Variants in ITPKB observed in about 807,000 individuals in gnomAD.
ITPKB encodes IP3 3-kinase B.
ITPKB carries 13 observed loss-of-function variants against 69.4 expected under a neutral mutation model. That is an observed-to-expected ratio of 0.19 (90% CI 0.12 to 0.30). The LOEUF (loss-of-function observed/expected upper bound fraction) is 0.30, where lower values mean the gene tolerates loss of function less well. Among genes scored for constraint, ITPKB ranks in the 10% least tolerant of loss-of-function variants. The probability of loss-of-function intolerance (pLI) is 1.00; values close to 1 mark genes in which losing one functional copy is unlikely to be tolerated. For missense variants in ITPKB, 1,240 were observed against 1,250.5 expected, an observed-to-expected ratio of 0.99 and a Z score of 0.13; for synonymous variants, 584 against 513.7, an observed-to-expected ratio of 1.14 and a Z score of -1.85.
At position 226,658,584 on chromosome 1, in the gene ITPKB, C is replaced by T. The variant is rs1235658200; in HGVS notation, c.1933-9813G>A. 9.9e-5 allele frequency among the ~76,000 whole-genome samples: 15 copies of T among 152,170 alleles called. 2 individuals are homozygous for T. Among genetic ancestry groups the T allele is most frequent in the Admixed American group, 9.2e-4 (14 of 15,274 alleles). ...CCCCCTTTAACAAACAAGAAAATCC[C>T]CCTAAATGCCAAATGCAAAAGCACT... On this transcript the variant is annotated intron_variant, in intron 2 of 7. Transcript: ENST00000429204.
At chr1:226,665,289 G>A (rs914416496) in intron 2 of ITPKB, among the ~76,000 whole-genome samples, 15 of 152,194 alleles carry the variant, frequency 9.9e-5, no homozygotes, top group Non-Finnish European at 1.2e-4. Context: ...TGGATTTAGA[G>A]ACAAAGGGGA....
intron 2 of ITPKB, among the ~76,000 whole-genome samples, chr1:226,684,482 CTTT>C (rs956276907): frequency 1.3e-5 from 2 of 151,690 alleles, no homozygotes; most frequent in Non-Finnish European, 2.9e-5. Flanking sequence ...TAGAGCAACA[CTTT>C]TTTTTTCTTT....
intron 3 of ITPKB, 41 bp from the exon 4 acceptor site, chr1:226,647,421 G>C: frequency 6.6e-7 from 1 of 1,504,842 alleles, no homozygotes; most frequent in African/African-American, 1.4e-5. Context: ...TCCGGCTGCA[G>C]GTAGCTGGCA....
intron 2 of ITPKB, among the ~76,000 whole-genome samples, chr1:226,665,965 TG>T (rs1669495844): frequency 6.6e-6 from 1 of 152,162 alleles, no homozygotes; most frequent in African/African-American, 2.4e-5. Context: ...CTGTGGCCTC[TG>T]GGGATTTCAC....
chr1:226,734,996 G>A (rs1040676053), intron 2 of ITPKB, among the ~76,000 whole-genome samples: 1 of 152,218 alleles, frequency 6.6e-6, no homozygotes, highest in African/African-American at 2.4e-5. Flanking sequence ...TCACCCAGTT[G>A]ACTGGCCACA....
At position 226,736,900 on chromosome 1, in the gene ITPKB, G is replaced by A; in HGVS notation, c.559C>T (p.Pro187Ser). 1 of 1,610,500 alleles carries A rather than the reference G, an allele frequency of 6.2e-7. No individual in the cohort carries two copies. Residue 187 changes from proline to serine, a missense_variant, in exon 2 of 8, where the codon CCT becomes TCT. Physicochemically the swap from Pro to Ser is moderately conservative, Grantham distance 74. This residue lies in a region of ITPKB where 992 missense variants were observed against 853.8 expected (regional missense o/e 1.16). Transcript: ENST00000429204. Reference protein sequence around the residue: ...PCPFRSSSQPPGRVLVQGARS... With the variant: ...PCPFRSSSQPSGRVLVQGARS... ...GCGCCCTGAACCAGGACCCTTCCAG[G>A]GGGCTGACTGCTGCTGCGGAAGGGG... is the stretch of plus-strand genomic sequence containing the variant.
At chr1:226,733,445 C>A (rs1657652787) in intron 2 of ITPKB, among the ~76,000 whole-genome samples, 1 of 152,108 alleles carries the variant, frequency 6.6e-6, no homozygotes. Flanking sequence ...TTGGGTGTCA[C>A]AGATAAGGCT....
chr1:226,683,632 T>C (rs1238711207), intron 2 of ITPKB, among the ~76,000 whole-genome samples: 1 of 152,008 alleles, frequency 6.6e-6, no homozygotes, highest in East Asian at 1.9e-4. Context: ...AAGGGGAGTG[T>C]AGACATGCAA....
At chr1:226,657,174 A>G (rs562333203) in intron 2 of ITPKB, 2 of 152,224 alleles carry the variant, frequency 1.3e-5, no homozygotes, top group African/African-American at 4.8e-5. Flanking sequence ...TCAGAGCCCA[A>G]GTGAGTCAAT....
chr1:226,695,775 G>C (rs1289838601), intron 2 of ITPKB, among the ~76,000 whole-genome samples: 2 of 152,204 alleles, frequency 1.3e-5, no homozygotes, highest in African/African-American at 4.8e-5. Context: ...AAGAAGGACA[G>C]GAGGGAGAGG....
intron 2 of ITPKB, among the ~76,000 whole-genome samples, chr1:226,672,417 A>G (rs113818033): frequency 7.2e-5 from 11 of 152,302 alleles, no homozygotes; most frequent in African/African-American, 2.4e-4. Flanking sequence ...ACCAGGGAGG[A>G]TTCCTGTCAA....
intron 2 of ITPKB, among the ~76,000 whole-genome samples, chr1:226,696,513 C>T (rs995029456): frequency 1.3e-5 from 2 of 152,152 alleles, no homozygotes; most frequent in Admixed American, 6.5e-5. Flanking sequence ...GGCACATGCC[C>T]GGCCCCTGTA....
At chr1:226,700,460 T>C (rs1571864295) in intron 2 of ITPKB, among the ~76,000 whole-genome samples, 1 of 72,478 alleles carries the variant, frequency 1.4e-5, no homozygotes, top group Admixed American at 2.5e-4. Context: ...GGAGCAAGAC[T>C]CCGTCAAAAA....
chr1:226,634,440 C>T lies in ITPKB; in HGVS notation c.*231G>A. On this transcript the variant is annotated 3_prime_UTR_variant, in exon 8 of 8. Transcript: ENST00000429204. This position sits in a 1 kb window ranked among gnomAD's most constrained non-coding sequence, Gnocchi z 6.3. ...CACCTGACCCACCTCTAAGACTGGG[C>T]ATTTCTCTTCTAGTAGGTGACCCTC... 1.8e-6 allele frequency: 1 copy of T among 546,112 alleles called. No homozygotes were observed. Among genetic ancestry groups the T allele is most frequent in the Non-Finnish European group, 3.3e-6 (1 of 303,348 alleles). 33.8% of individuals were successfully genotyped at this position (546,112 alleles called of 1,614,324 possible).
intron 2 of ITPKB, among the ~76,000 whole-genome samples, chr1:226,659,148 A>C (rs1425776602): frequency 6.6e-6 from 1 of 152,186 alleles, no homozygotes; most frequent in Non-Finnish European, 1.5e-5. Context: ...TCTCCTGATT[A>C]GCTGCCTTCT....
rs994418984 is a variant in ITPKB, at chr1:226,736,585, A to G, written c.874T>C (p.Ser292Pro). The change falls in exon 2 of 8, where the codon TCA becomes CCA. Residue 292 changes from serine to proline, a missense_variant. Ser to Pro is a moderately conservative substitution (Grantham distance 74, BLOSUM62 -1). This residue lies in a region of ITPKB where 992 missense variants were observed against 853.8 expected (regional missense o/e 1.16). Transcript: ENST00000429204. ...TPGTRSCLAP[S>P]LGLFGASLTM... The stretch of plus-strand genomic sequence containing the variant: ...AAGCTAGCTCCGAACAGCCCCAATG[A>G]GGGAGCTAGGCAGCTCCGAGTTCCC... 4.3e-6 allele frequency: 7 copies of G among 1,613,854 alleles called. No individual in the cohort carries two copies. The highest frequency in any genetic ancestry group is 5.1e-6 in the Non-Finnish European group (6 of 1,180,016).
Position 226,737,661 on chromosome 1 carries a change from C to A in ITPKB, c.-203G>T, listed in dbSNP as rs1657841617. The A allele has an allele frequency of 9.6e-7, 1 of 1,046,174 alleles. No homozygotes were observed. The highest frequency in any genetic ancestry group is 1.2e-6 in the Non-Finnish European group (1 of 857,994). The allele number at this position is 1,046,174 out of a possible 1,614,324, so 64.8% of individuals were successfully genotyped here. A position where few individuals can be genotyped will look rare whatever the true frequency, so the allele number is the denominator to read the frequency against. ...GCCCAAAGCTCCATAAACAACCGTG[C>A]GGCTGTGGAGATACAAGGAGAAAAG... On this transcript the variant is annotated splice_region_variant and 5_prime_UTR_variant, in exon 2 of 8. Coordinates refer to ENST00000429204, the MANE Select transcript of ITPKB (RefSeq NM_002221.4).
chr1:226,646,544 G>A (rs1200071034), intron 4 of ITPKB, among the ~76,000 whole-genome samples: 1 of 152,164 alleles, frequency 6.6e-6, no homozygotes, highest in Non-Finnish European at 1.5e-5. Context: ...CCCCTGTCAG[G>A]AACCTGGGGG....
intron 2 of ITPKB, among the ~76,000 whole-genome samples, chr1:226,670,265 A>G (rs1669589364): frequency 6.7e-6 from 1 of 149,816 alleles, no homozygotes; most frequent in Non-Finnish European, 1.5e-5. Flanking sequence ...ATGCCAACCC[A>G]CTGCTGGGAG....
Sources: allele counts gnomAD v4.1 joint callset (sites outside exome capture counted in the v4.1 genomes callset), GRCh38; gene constraint gnomAD v4.1.1; regional missense constraint gnomAD v4.1.1; non-coding constraint Gnocchi (gnomAD v3.1); transcripts MANE v1.5; gene names NCBI Gene and HGNC (gene_info 2026-07-23, HGNC 2026-07-21).